Variants in AZIN1 observed in about 807,000 individuals in gnomAD.
AZIN1 encodes the protein ornithine decarboxylase antizyme inhibitor.
AZIN1 carries 12 observed loss-of-function variants against 47.4 expected under a neutral mutation model. The observed-to-expected ratio is 0.25, with a 90% CI of 0.16 to 0.41. AZIN1 has a LOEUF of 0.41. AZIN1 is among the 10% of genes least tolerant of loss of function. AZIN1 has a pLI of 1.00. For missense variants in AZIN1, 410 were observed against 532.4 expected, an observed-to-expected ratio of 0.77 and a Z score of 2.26; for synonymous variants, 155 against 176.3, an observed-to-expected ratio of 0.88 and a Z score of 0.96.
intron 2 of AZIN1, among the ~76,000 whole-genome samples, chr8:102,852,437 T>C (rs1812971360): frequency 6.6e-6 from 1 of 152,112 alleles, no homozygotes; most frequent in South Asian, 2.1e-4. Flanking sequence ...TAGCTGGGCA[T>C]GGTGGTGTGT....
intron 9 of AZIN1, 51 bp from the exon 10 acceptor site, chr8:102,829,987 A>G (rs752766502): frequency 2.6e-6 from 3 of 1,136,246 alleles, no homozygotes; most frequent in Admixed American, 4.0e-5. Context: ...AATGGCTCAT[A>G]TGAAACAAAT....
At position 102,843,546 on chromosome 8, in the gene AZIN1, C is replaced by T; in HGVS notation, c.102+5G>A. 1 of 1,610,412 alleles carries T rather than the reference C, an allele frequency of 6.2e-7. No individual in the cohort carries two copies. Among genetic ancestry groups the T allele is most frequent in the Non-Finnish European group, 8.5e-7 (1 of 1,177,110 alleles). ...CAAACACTGTATTTGAGAAATGGCA[C>T]TTACCAGGGTATGTTCATAAACATA... On this transcript the variant is annotated splice_donor_5th_base_variant and intron_variant, in intron 3 of 11. Coordinates refer to ENST00000337198, the MANE Select transcript of AZIN1 (RefSeq NM_148174.4).
chr8:102,834,230 T>C lies in AZIN1; in HGVS notation c.700A>G (p.Ile234Val). Residue 234 changes from isoleucine (I) to valine (V), a missense_variant, in exon 8 of 12, where the codon ATT becomes GTT. Around this residue, in one of 3 missense-constraint regions of AZIN1, gnomAD observed 237 missense variants for 309.4 expected, o/e 0.77. Coordinates refer to ENST00000337198, the MANE Select transcript of AZIN1 (RefSeq NM_148174.4). ...EIGFTMNMLD[I>V]GGGFTGTEFQ... is the part of the protein sequence containing the mutation. Reference sequence around the variant, plus strand: ...TCAGTTCCCGTGAATCCTCCACCAATGTCTAACATGTTCATCGTAAAGCCA... The same window carrying C: ...TCAGTTCCCGTGAATCCTCCACCAACGTCTAACATGTTCATCGTAAAGCCA... The C allele has an allele frequency of 3.1e-6, 5 of 1,612,640 alleles. No homozygotes were observed. Among genetic ancestry groups the C allele is most frequent in the Non-Finnish European group, 4.2e-6 (5 of 1,179,810 alleles).
At chr8:102,829,711 A>C in intron 10 of AZIN1, 110 bp downstream of exon 10, 1 of 924,292 alleles carries the variant, frequency 1.1e-6, no homozygotes, top group Non-Finnish European at 1.7e-6. Context: ...CTCAAAAAGG[A>C]CATTTTTCCC....
At chr8:102,839,512 G>A (rs867005950) in intron 4 of AZIN1, 138 bp downstream of exon 4, 27 of 579,384 alleles carry the variant, frequency 4.7e-5, no homozygotes, top group African/African-American at 3.9e-4. Flanking sequence ...TTTCCAACAT[G>A]AGGCTGGAGA....
Position 102,840,042 on chromosome 8 carries a change from T to C in AZIN1, c.103-219A>G, listed in dbSNP as rs149028387. On this transcript the variant is annotated intron_variant, in intron 3 of 11. Coordinates refer to ENST00000337198, the MANE Select transcript of AZIN1 (RefSeq NM_148174.4). ...TCTTCTTATATTTGATTACTTTTGC[T>C]GTGCTACACTAGCATATAAAATATT... 4.4e-3 allele frequency among the ~76,000 whole-genome samples: 674 copies of C among 152,350 alleles called. 10 individuals carry two copies. The highest frequency in any genetic ancestry group is 0.015 in the African/African-American group (620 of 41,576).
chr8:102,830,650 C>CAAAA (rs891178954), intron 9 of AZIN1, among the ~76,000 whole-genome samples: 1 of 116,826 alleles, frequency 8.6e-6, no homozygotes, highest in South Asian at 3.0e-4. Flanking sequence ...GTCTCAAAAA[C>CAAAA]AAAAAAAAAA....
Position 102,840,133 on chromosome 8 carries a change from A to T in AZIN1, c.103-310T>A, listed in dbSNP as rs148200260. 7.9e-3 allele frequency among the ~76,000 whole-genome samples: 1,197 copies of T among 152,292 alleles called. 17 individuals carry two copies. Among genetic ancestry groups the T allele is most frequent in the African/African-American group, 0.027 (1,105 of 41,562 alleles). ...CAAAAGTCAGAATGAAACTGCCTTG[A>T]TTTTACTTTTTGGCAGTTGAAGGAA... On this transcript the variant is annotated intron_variant, in intron 3 of 11. Coordinates refer to ENST00000337198, the MANE Select transcript of AZIN1 (RefSeq NM_148174.4).
intron 11 of AZIN1, 147 bp downstream of exon 11, chr8:102,829,125 C>A (rs1811279033): frequency 1.4e-6 from 1 of 701,014 alleles, no homozygotes; most frequent in East Asian, 2.7e-5. Context: ...TTTGTCAGAA[C>A]AAATTCCCAT....
At chr8:102,833,244 G>A in intron 8 of AZIN1, 26 bp from the exon 9 acceptor site, 1 of 1,591,402 alleles carries the variant, frequency 6.3e-7, no homozygotes, top group Non-Finnish European at 8.6e-7. Context: ...GCCACAGTAT[G>A]GTTTCAATAT....
chr8:102,828,675 A>G lies in AZIN1; in HGVS notation c.1239T>C (p.Tyr413=). Residue 413 remains tyrosine (Y), a synonymous_variant, in exon 12 of 12, where the codon TAT becomes TAC. Coordinates refer to ENST00000337198, the MANE Select transcript of AZIN1 (RefSeq NM_148174.4). ...IYYMMSFSDW[Y]EMQDAGITSD... ...AAGTAATTCCAGCATCTTGCATCTC[A>G]TACCTACGTAGAAAAAAAATCAGCT... 6.3e-7 allele frequency: 1 copy of G among 1,592,616 alleles called. No individual in the cohort carries two copies. The highest frequency in any genetic ancestry group is 8.6e-7 in the Non-Finnish European group (1 of 1,163,758).
chr8:102,861,515 C>G (rs1813650559), intron 1 of AZIN1, among the ~76,000 whole-genome samples: 1 of 151,842 alleles, frequency 6.6e-6, no homozygotes, highest in Non-Finnish European at 1.5e-5. Flanking sequence ...AGCCACCGCG[C>G]CCGGCCTAAT....
chr8:102,851,461 A>G (rs1235098879), intron 2 of AZIN1, among the ~76,000 whole-genome samples: 4 of 152,202 alleles, frequency 2.6e-5, no homozygotes, highest in African/African-American at 9.6e-5. Context: ...TAATCCCAGC[A>G]CTTTGGGAGG....
At chr8:102,828,703 A>G (rs1308733572) in intron 11 of AZIN1, 25 bp from the exon 12 acceptor site, 1 of 1,524,884 alleles carries the variant, frequency 6.6e-7, no homozygotes, top group Non-Finnish European at 9.0e-7. Flanking sequence ...AATCAGCTAA[A>G]TTCTCAGTTT....
chr8:102,855,043 A>T (rs1813194053), intron 2 of AZIN1, among the ~76,000 whole-genome samples: 1 of 152,176 alleles, frequency 6.6e-6, no homozygotes, highest in Admixed American at 6.5e-5. Context: ...TTACTCCAGC[A>T]TCAAGACCTA....
At chr8:102,860,407 C>T (rs149892932) in intron 1 of AZIN1, among the ~76,000 whole-genome samples, 3,350 of 152,220 alleles carry the variant, frequency 0.022, 110 homozygotes, top group African/African-American at 0.074. Flanking sequence ...GGATTACAGG[C>T]ATGTGCCACC....
chr8:102,859,341 G>A (rs981298944), intron 1 of AZIN1, among the ~76,000 whole-genome samples: 1 of 152,100 alleles, frequency 6.6e-6, no homozygotes, highest in Non-Finnish European at 1.5e-5. Context: ...TTATCCTAAG[G>A]AATAGGATCA....
chr8:102,859,846 AAAG>A (rs1813522501), intron 1 of AZIN1, among the ~76,000 whole-genome samples: 1 of 152,290 alleles, frequency 6.6e-6, no homozygotes, highest in Non-Finnish European at 1.5e-5. Flanking sequence ...CAAAAAAAGA[AAAG>A]AAAAGAAAAA....
intron 10 of AZIN1, 98 bp downstream of exon 10, chr8:102,829,718 TCCCCA>T: frequency 1.1e-6 from 1 of 948,680 alleles, no homozygotes; most frequent in Admixed American, 2.4e-5. Flanking sequence ...AGGACATTTT[TCCCCA>T]TTCTAAGATG....
Sources: gnomAD v4.1 joint callset for allele counts (sites outside exome capture counted in the v4.1 genomes callset) on GRCh38, gnomAD v4.1.1 for gene constraint, gnomAD v4.1.1 regional missense constraint, MANE v1.5 for transcripts, NCBI Gene and HGNC (gene_info 2026-07-23, HGNC 2026-07-21) for gene names.